The following HMGB1 variants were observed in gnomAD, a reference collection of about 807,000 sequenced individuals.
HMGB1 encodes high mobility group protein B1.
For missense variants in HMGB1, 79 were observed against 253.5 expected (o/e 0.31, Z 4.67); for synonymous variants, 81 against 84.0 (o/e 0.96, Z 0.19).
chr13:30,547,973 T>C (rs147744458), intron 1 of HMGB1, among the ~76,000 whole-genome samples: 5 of 152,314 alleles, frequency 3.3e-5, no homozygotes, highest in Admixed American at 3.3e-4. Context: ...AAAGTTATCA[T>C]TCTACAACAT....
intron 1 of HMGB1, among the ~76,000 whole-genome samples, chr13:30,512,778 A>G (rs1888020107): frequency 6.6e-6 from 1 of 152,172 alleles, no homozygotes; most frequent in African/African-American, 2.4e-5. Flanking sequence ...GACCGAGGTA[A>G]ATGTGCTCTA....
At chr13:30,504,871 C>A (rs1887815531) in intron 1 of HMGB1, among the ~76,000 whole-genome samples, 1 of 77,010 alleles carries the variant, frequency 1.3e-5, no homozygotes, top group South Asian at 8.4e-4. Context: ...TTGCTTTTTT[C>A]CCCCTACACT....
chr13:30,528,960 C>T lies in HMGB1; in HGVS notation c.-14-65266G>A, dbSNP rs1158449187. On this transcript the variant is annotated intron_variant, in intron 1 of 4. Coordinates refer to the HMGB1 transcript ENST00000405805. ...AGGAGAATGGTGTGAACCCGGGAGG[C>T]GGAGCTTGCAGTGAGCCGAGATCGC... 3.1e-5 allele frequency among the ~76,000 whole-genome samples: 4 copies of T among 128,882 alleles called. 1 individual carries two copies. Among genetic ancestry groups the T allele is most frequent in the South Asian group, 5.3e-4 (2 of 3,774 alleles). The allele number at this position is 128,882 out of a possible 152,430, so 84.6% of individuals were successfully genotyped here.
chr13:30,527,784 A>G (rs1888401645), intron 1 of HMGB1, among the ~76,000 whole-genome samples: 1 of 152,180 alleles, frequency 6.6e-6, no homozygotes, highest in African/African-American at 2.4e-5. Flanking sequence ...AAGCTTAAAA[A>G]TAACCTTCCC....
chr13:30,486,987 G>A (rs1355341983), intron 1 of HMGB1, among the ~76,000 whole-genome samples: 4 of 152,154 alleles, frequency 2.6e-5, no homozygotes, highest in African/African-American at 7.2e-5. Flanking sequence ...CTTCATGCCG[G>A]TCTTATTTCC....
chr13:30,546,198 C>T (rs990351239), intron 1 of HMGB1, among the ~76,000 whole-genome samples: 2 of 152,220 alleles, frequency 1.3e-5, no homozygotes, highest in Non-Finnish European at 2.9e-5. Context: ...CCACTGTAAT[C>T]TCTGCCTCCC....
rs1391800676 is a variant in HMGB1 at position 30,459,579 on chromosome 13, T to C, written c.*1778A>G. On this transcript the variant is annotated 3_prime_UTR_variant, in exon 5 of 5. Transcript: ENST00000341423. ...TAACCCTGCTGTTCGCTTGCATGTA[T>C]CTTGTTTTTAAAAATCTTGTTTAAA... 2 of 152,128 alleles carry C rather than the reference T, an allele frequency of 1.3e-5. No individual in the cohort carries two copies. The highest frequency in any genetic ancestry group is 2.9e-5 in the Non-Finnish European group (2 of 68,030). The allele number at this position is 152,128 out of a possible 1,614,324, so 9.4% of individuals were successfully genotyped here.
upstream of HMGB1, among the ~76,000 whole-genome samples, chr13:30,469,655 G>A (rs992717821): frequency 7.2e-5 from 4 of 55,724 alleles, no homozygotes; most frequent in African/African-American, 1.5e-4. Context: ...TATTTGAGAC[G>A]GAGTCTCCCT....
intron 1 of HMGB1, among the ~76,000 whole-genome samples, chr13:30,481,060 A>C (rs1887215739): frequency 6.6e-6 from 1 of 151,642 alleles, no homozygotes; most frequent in Non-Finnish European, 1.5e-5. Flanking sequence ...TTTTTCTTTA[A>C]CCTTACCTTA....
At chr13:30,526,646 C>T (rs1310644258) in intron 1 of HMGB1, among the ~76,000 whole-genome samples, 3 of 152,196 alleles carry the variant, frequency 2.0e-5, no homozygotes, top group African/African-American at 7.2e-5. Context: ...CTACGAGGAA[C>T]CTGACAGTGC....
chr13:30,485,994 T>C (rs1887355407), intron 1 of HMGB1, among the ~76,000 whole-genome samples: 1 of 152,208 alleles, frequency 6.6e-6, no homozygotes, highest in South Asian at 2.1e-4. Flanking sequence ...GAACCCTTGA[T>C]TTCTATTCAT....
chr13:30,534,459 T>C (rs1888567413), intron 1 of HMGB1, among the ~76,000 whole-genome samples: 2 of 152,160 alleles, frequency 1.3e-5, no homozygotes, highest in South Asian at 4.1e-4. Context: ...TCCCCACACA[T>C]ATTTAAGGAG....
chr13:30,459,573 CATGT>C lies in HMGB1; in HGVS notation c.*1780_*1783del, dbSNP rs965749694. On this transcript the variant is annotated 3_prime_UTR_variant, in exon 5 of 5. Coordinates refer to ENST00000341423, the MANE Select transcript of HMGB1 (RefSeq NM_002128.7). ...TATCACTAACCCTGCTGTTCGCTTG[CATGT>C]ATCTTGTTTTTAAAAATCTTGTTTA... 4.2e-4 allele frequency: 64 copies of C among 152,226 alleles called. No homozygotes were observed. The highest frequency in any genetic ancestry group is 1.5e-3 in the African/African-American group (61 of 41,516). The allele number at this position is 152,226 out of a possible 1,614,324, so 9.4% of individuals were successfully genotyped here.
At chr13:30,598,960 G>T (rs1341573863) in intron 1 of HMGB1, among the ~76,000 whole-genome samples, 2 of 151,492 alleles carry the variant, frequency 1.3e-5, no homozygotes, top group African/African-American at 4.9e-5. Context: ...ATAATATATT[G>T]TGTGTGTATG....
intron 1 of HMGB1, among the ~76,000 whole-genome samples, chr13:30,504,855 AG>A (rs1157575374): frequency 7.0e-6 from 1 of 143,672 alleles, no homozygotes; most frequent in Non-Finnish European, 1.5e-5. Context: ...CCTACAAAAC[AG>A]TTCTTTGCTT....
intron 1 of HMGB1, among the ~76,000 whole-genome samples, chr13:30,482,829 C>T (rs1237085787): frequency 1.3e-5 from 2 of 152,008 alleles, no homozygotes; most frequent in Non-Finnish European, 2.9e-5. Context: ...ATTCTGTTGC[C>T]CAGGCTGGAG....
At position 30,559,318 on chromosome 13, in the gene HMGB1, A is replaced by G. The variant is rs1000236286; in HGVS notation, c.-15+57353T>C. The stretch of plus-strand genomic sequence containing the variant: ...GGGACAACCTTTCCTCACCATTGAC[A>G]ATGGTCATTTACAAGACCATGGCTT... On this transcript the variant is annotated intron_variant, in intron 1 of 4. Transcript: ENST00000405805. This position sits in a 1 kb window ranked among gnomAD's most constrained non-coding sequence, Gnocchi z 6.6. 2.6e-5 allele frequency among the ~76,000 whole-genome samples: 4 copies of G among 152,066 alleles called. No individual in the cohort carries two copies. Among genetic ancestry groups the G allele is most frequent in the Non-Finnish European group, 5.9e-5 (4 of 68,012 alleles).
chr13:30,472,451 C>T (rs1314322835), intron 1 of HMGB1, among the ~76,000 whole-genome samples: 2 of 151,916 alleles, frequency 1.3e-5, no homozygotes, highest in Admixed American at 6.6e-5. Flanking sequence ...AAATACAAAA[C>T]TTAGCCAGGC....
chr13:30,559,754 C>A lies in HMGB1; in HGVS notation c.-15+56917G>T, dbSNP rs1296942194. ...GCCCAAGTCTCTCCATAACTACTAA[C>A]AAGGGACTGAGGAGAAGAATTTATA... On this transcript the variant is annotated intron_variant, in intron 1 of 4. Transcript: ENST00000405805. This position sits in a 1 kb window ranked among gnomAD's most constrained non-coding sequence, Gnocchi z 6.6. Among the ~76,000 whole-genome samples, 9 of 152,116 alleles carry A rather than the reference C, an allele frequency of 5.9e-5. No homozygotes were observed. The East Asian group carries it at 1.5e-3, about 26-fold the overall frequency.
Sources: allele counts gnomAD v4.1 joint callset (sites outside exome capture counted in the v4.1 genomes callset), GRCh38; gene constraint gnomAD v4.1.1; non-coding constraint Gnocchi (gnomAD v3.1); transcripts MANE v1.5; gene names NCBI Gene and HGNC (gene_info 2026-07-23, HGNC 2026-07-21).